Variants in TBC1D19 observed in about 807,000 individuals in gnomAD.
TBC1D19 encodes TBC1 domain family member 19.
In TBC1D19, 60 loss-of-function variants were observed where a neutral mutation model predicts 89.0. The observed-to-expected ratio is 0.67, with a 90% CI of 0.55 to 0.84. The LOEUF is 0.84. Ranked by LOEUF, TBC1D19 falls within the 40% of genes least tolerant of loss-of-function variation. TBC1D19 has a pLI of 0.00. For missense variants in TBC1D19, 500 were observed against 610.8 expected (o/e 0.82, Z 1.91); for synonymous variants, 189 against 199.7 (o/e 0.95, Z 0.45).
At chr4:26,658,032 G>T (rs1181386770) in intron 7 of TBC1D19, among the ~76,000 whole-genome samples, 1 of 152,054 alleles carries the variant, frequency 6.6e-6, no homozygotes, top group East Asian at 1.9e-4. Context: ...CCATTCTGTA[G>T]GTTGCCTGTT....
At chr4:26,826,384 T>G in the TBC1D19 span, among the ~76,000 whole-genome samples, 1 of 152,142 alleles carries the variant, frequency 6.6e-6, no homozygotes, top group Admixed American at 6.5e-5. Flanking sequence ...TAGAAGGATA[T>G]TTCAAACAGT....
intron 9 of TBC1D19, among the ~76,000 whole-genome samples, chr4:26,666,808 G>A (rs191853724): frequency 5.9e-5 from 9 of 151,958 alleles, no homozygotes; most frequent in Admixed American, 5.9e-4. Flanking sequence ...AATAATCCAA[G>A]CAGTTTTCCT....
chr4:26,577,952 G>A (rs1278319939), intron 1 of TBC1D19, among the ~76,000 whole-genome samples: 4 of 152,204 alleles, frequency 2.6e-5, no homozygotes, highest in Admixed American at 1.3e-4. Flanking sequence ...GAAATTTTGA[G>A]CTAAGAACTA....
chr4:26,758,324 C>G (rs1208640236), downstream of TBC1D19, among the ~76,000 whole-genome samples: 1 of 152,134 alleles, frequency 6.6e-6, no homozygotes, highest in African/African-American at 2.4e-5. Flanking sequence ...ATCCCTTGAC[C>G]TACTCAGAAA....
chr4:26,615,684 A>T (rs1389138089), intron 3 of TBC1D19, among the ~76,000 whole-genome samples: 1 of 152,154 alleles, frequency 6.6e-6, no homozygotes, highest in Non-Finnish European at 1.5e-5. Flanking sequence ...CTTTGCTCAA[A>T]TCCATCTTCC....
At chr4:26,813,005 T>C in the TBC1D19 span, among the ~76,000 whole-genome samples, 3 of 151,910 alleles carry the variant, frequency 2.0e-5, no homozygotes, top group Non-Finnish European at 4.4e-5. Context: ...ATCCCTTGAA[T>C]CCAGGAGTTT....
intron 13 of TBC1D19, among the ~76,000 whole-genome samples, chr4:26,696,872 A>G (rs1178443387): frequency 3.9e-5 from 6 of 152,194 alleles, no homozygotes; most frequent in Non-Finnish European, 2.9e-5. Flanking sequence ...TGTAGAGGGA[A>G]ATTTATAGCA....
At chr4:26,825,564 A>G in the TBC1D19 span, among the ~76,000 whole-genome samples, 1 of 152,180 alleles carries the variant, frequency 6.6e-6, no homozygotes, top group Non-Finnish European at 1.5e-5. Context: ...CTCATTGTTC[A>G]CTGTTTTGAA....
chr4:26,640,054 T>C (rs1354953026), intron 6 of TBC1D19, 87 bp from the exon 7 acceptor site: 3 of 922,026 alleles, frequency 3.3e-6, no homozygotes, highest in Middle Eastern at 2.8e-4. Flanking sequence ...ATCTGTATGA[T>C]AACATGTGAA....
intron 19 of TBC1D19, 97 bp downstream of exon 19, chr4:26,748,623 C>A: frequency 1.1e-6 from 1 of 902,420 alleles, no homozygotes; most frequent in Non-Finnish European, 1.8e-6. Context: ...ATTTATTTGT[C>A]ACTTCTAATT....
the TBC1D19 span, among the ~76,000 whole-genome samples, chr4:26,840,271 G>A: frequency 0.026 from 4,000 of 151,754 alleles, 116 homozygotes; most frequent in African/African-American, 0.071. Context: ...TAGTAGAGAC[G>A]AGGTCTTACC....
chr4:26,684,596 C>T (rs1205806635), intron 12 of TBC1D19, among the ~76,000 whole-genome samples: 1 of 152,088 alleles, frequency 6.6e-6, no homozygotes, highest in Non-Finnish European at 1.5e-5. Context: ...CCAGATTGGT[C>T]TGGTGTAGCT....
At chr4:26,679,779 C>T (rs552602800) in intron 11 of TBC1D19, among the ~76,000 whole-genome samples, 19 of 152,340 alleles carry the variant, frequency 1.2e-4, no homozygotes, top group African/African-American at 4.3e-4. Flanking sequence ...GAGTCTACCT[C>T]TTGCATCAGC....
At chr4:26,664,519 C>CA (rs567475124) in intron 8 of TBC1D19, among the ~76,000 whole-genome samples, 58 of 151,564 alleles carry the variant, frequency 3.8e-4, no homozygotes, top group Admixed American at 3.5e-3. Context: ...CAAATGATTT[C>CA]AATTACAGAA....
At chr4:26,835,458 A>T in the TBC1D19 span, among the ~76,000 whole-genome samples, 8 of 152,346 alleles carry the variant, frequency 5.3e-5, no homozygotes, top group Non-Finnish European at 1.0e-4. Context: ...CAGCAGCAAT[A>T]AGAAATGAGT....
intron 9 of TBC1D19, among the ~76,000 whole-genome samples, chr4:26,666,743 A>G (rs1418186690): frequency 6.6e-6 from 1 of 152,090 alleles, no homozygotes; most frequent in Non-Finnish European, 1.5e-5. Context: ...TTAAGTGAAC[A>G]CTGACGTCTA....
the TBC1D19 span, among the ~76,000 whole-genome samples, chr4:26,773,199 A>G: frequency 6.6e-6 from 1 of 152,126 alleles, no homozygotes; most frequent in Admixed American, 6.5e-5. Flanking sequence ...TTTGATTTGC[A>G]TTTCTCTAAT....
chr4:26,602,435 CTTTTTTTTTTTTTT>C (rs34004440), intron 1 of TBC1D19, among the ~76,000 whole-genome samples: 8 of 73,058 alleles, frequency 1.1e-4, no homozygotes, highest in African/African-American at 3.2e-4. Context: ...CTATTGTATT[CTTTTTTTTTTTTTT>C]TTTTTTTTTT....
chr4:26,724,001 G>A (rs1717141607), intron 15 of TBC1D19, among the ~76,000 whole-genome samples: 2 of 152,214 alleles, frequency 1.3e-5, no homozygotes, highest in African/African-American at 4.8e-5. Context: ...AGTCAGGAAA[G>A]GTGCCTCTGA....
Sources: gnomAD v4.1 joint callset for allele counts (sites outside exome capture counted in the v4.1 genomes callset) on GRCh38, gnomAD v4.1.1 for gene constraint, MANE v1.5 for transcripts, NCBI Gene and HGNC (gene_info 2026-07-23, HGNC 2026-07-21) for gene names.